Variants in SMAD4 observed in about 807,000 individuals in gnomAD.
SMAD4 encodes the protein SMAD family member 4.
A neutral mutation model predicts 63.2 loss-of-function variants in SMAD4; 7 were observed. The observed-to-expected ratio is 0.11, with a 90% CI of 0.06 to 0.21. The LOEUF is 0.21. Among genes scored for constraint, SMAD4 ranks in the 10% least tolerant of loss-of-function variants. SMAD4 has a pLI of 1.00. For synonymous variants in SMAD4, 215 were observed against 235.4 expected, an observed-to-expected ratio of 0.91 and a Z score of 0.79; for missense variants, 312 against 693.8, an observed-to-expected ratio of 0.45 and a Z score of 6.18.
chr18:51,058,793 T>A (rs1909921712), intron 7 of SMAD4, among the ~76,000 whole-genome samples: 1 of 152,204 alleles, frequency 6.6e-6, no homozygotes, highest in Admixed American at 6.5e-5. Flanking sequence ...TGAAACCCTT[T>A]GAGTGCTAAG....
intron 1 of SMAD4, among the ~76,000 whole-genome samples, chr18:51,031,070 C>G (rs1909035694): frequency 6.6e-6 from 1 of 152,198 alleles, no homozygotes; most frequent in African/African-American, 2.4e-5. Context: ...CTTTCTCTTC[C>G]TAGTCTTGTC....
rs1367093086 is a variant in SMAD4, at chr18:51,083,328, T to C, written c.*4861T>C. 1 of 228,238 alleles carries C rather than the reference T, an allele frequency of 4.4e-6. No individual in the cohort carries two copies. Among genetic ancestry groups the C allele is most frequent in the East Asian group, 6.3e-5 (1 of 15,968 alleles). 14.1% of individuals were successfully genotyped at this position (228,238 alleles called of 1,614,324 possible). A position where few individuals can be genotyped will look rare whatever the true frequency, so the allele number is the denominator to read the frequency against. Reference sequence around the variant, plus strand: ...TACTCCTGTACAGATATTTTTGACCTATAGGTGCCTTTATGAGAATTGAGG... The same window carrying C: ...TACTCCTGTACAGATATTTTTGACCCATAGGTGCCTTTATGAGAATTGAGG... On this transcript the variant is annotated 3_prime_UTR_variant, in exon 12 of 12. Coordinates refer to ENST00000342988, the MANE Select transcript of SMAD4 (RefSeq NM_005359.6).
At chr18:51,046,556 A>G (rs1229263711) in intron 1 of SMAD4, among the ~76,000 whole-genome samples, 1 of 151,896 alleles carries the variant, frequency 6.6e-6, no homozygotes, top group African/African-American at 2.4e-5. Context: ...TTTAGGTTTA[A>G]CTAGTGCTGA....
rs1057524809 is a variant in SMAD4 at position 51,047,201 on chromosome 18, A to T, written c.155A>T (p.Asp52Val). The change falls in exon 2 of 12, where the codon GAT becomes GTT. Residue 52 changes from aspartate (D) to valine (V), a missense_variant. Asp to Val is a radical substitution (Grantham distance 152). Coordinates refer to ENST00000342988, the MANE Select transcript of SMAD4 (RefSeq NM_005359.6). ...GTAAAGAAGCTGAAGGAGAAAAAAG[A>T]TGAATTGGATTCTTTAATAACAGCT... Reference protein sequence around the residue: ...SLVKKLKEKKDELDSLITAIT... With the variant: ...SLVKKLKEKKVELDSLITAIT... 6.2e-6 allele frequency: 10 copies of T among 1,614,048 alleles called. No individual in the cohort carries two copies. The highest frequency in any genetic ancestry group is 8.5e-6 in the Non-Finnish European group (10 of 1,179,902).
intron 10 of SMAD4, among the ~76,000 whole-genome samples, chr18:51,068,725 C>T (rs770900854): frequency 1.3e-4 from 20 of 148,880 alleles, no homozygotes; most frequent in African/African-American, 3.5e-4. Context: ...TCAAGACCAA[C>T]GTAAGCCACA....
At chr18:51,045,283 A>T (rs1909509981) in intron 1 of SMAD4, among the ~76,000 whole-genome samples, 1 of 152,244 alleles carries the variant, frequency 6.6e-6, no homozygotes, top group South Asian at 2.1e-4. Context: ...TGGTAGAATG[A>T]TGAGTTTTAT....
intron 7 of SMAD4, among the ~76,000 whole-genome samples, chr18:51,058,834 G>A (rs1909923671): frequency 1.3e-5 from 2 of 152,130 alleles, no homozygotes; most frequent in Non-Finnish European, 2.9e-5. Flanking sequence ...GTAGTATTCA[G>A]TGTACTTTGG....
chr18:51,069,226 C>T lies in SMAD4; in HGVS notation c.1308+2039C>T, dbSNP rs563014400. Among the ~76,000 whole-genome samples the T allele has an allele frequency of 2.6e-5, 4 of 152,304 alleles. No homozygotes were observed. The East Asian group carries it at 7.7e-4, about 29-fold the overall frequency. On this transcript the variant is annotated intron_variant, in intron 10 of 11. Transcript: ENST00000342988. Reference sequence around the variant, plus strand: ...CTGCTTCCAGGGTTTAAGTGATTCTCATGCCTTAGCCTCTCCGGTAGCTGG... The same window carrying T: ...CTGCTTCCAGGGTTTAAGTGATTCTTATGCCTTAGCCTCTCCGGTAGCTGG...
intron 10 of SMAD4, among the ~76,000 whole-genome samples, chr18:51,073,386 TATACACACAC>T (rs1442186789): frequency 4.1e-3 from 334 of 81,992 alleles, no homozygotes; most frequent in Non-Finnish European, 5.8e-3. Context: ...TATATATATA[TATACACACAC>T]ACACACACAC....
At chr18:51,049,174 T>C (rs889998722) in intron 3 of SMAD4, 121 bp from the exon 4 acceptor site, 10 of 768,760 alleles carry the variant, frequency 1.3e-5, no homozygotes, top group African/African-American at 1.2e-4. Flanking sequence ...TACTTCTGAA[T>C]TGAAATGGTT....
chr18:51,039,372 A>G (rs957995781), intron 1 of SMAD4, among the ~76,000 whole-genome samples: 1 of 152,186 alleles, frequency 6.6e-6, no homozygotes, highest in Non-Finnish European at 1.5e-5. Context: ...TGCTATATCC[A>G]GGGTTTCAAG....
At chr18:51,057,185 C>G (rs1032372782) in intron 5 of SMAD4, among the ~76,000 whole-genome samples, 3 of 152,112 alleles carry the variant, frequency 2.0e-5, no homozygotes, top group South Asian at 2.1e-4. Flanking sequence ...ACATGTTACT[C>G]TCTTCCATCT....
Position 51,065,538 on chromosome 18 carries a change from T to C in SMAD4, c.1071T>C (p.Ser357=). 1 of 1,614,222 alleles carries C rather than the reference T, an allele frequency of 6.2e-7. No homozygotes were observed. ...CTGTTGATGGATACGTGGACCCTTC[T>C]GGAGGAGATCGCTTTTGTTTGGGTC... The part of the protein sequence containing the change: ...IVTVDGYVDP[S]GGDRFCLGQL... Residue 357 remains serine (S), a synonymous_variant, in exon 9 of 12, where the codon TCT becomes TCC. Coordinates refer to ENST00000342988, the MANE Select transcript of SMAD4 (RefSeq NM_005359.6).
At chr18:51,039,564 T>G (rs1280866777) in intron 1 of SMAD4, among the ~76,000 whole-genome samples, 1 of 142,612 alleles carries the variant, frequency 7.0e-6, no homozygotes, top group African/African-American at 2.6e-5. Context: ...TTGCGTTCTT[T>G]TTCATCAGAA....
At chr18:51,041,333 C>T (rs1190961323) in intron 1 of SMAD4, among the ~76,000 whole-genome samples, 1 of 152,120 alleles carries the variant, frequency 6.6e-6, no homozygotes, top group East Asian at 1.9e-4. Context: ...ACTATTCTAC[C>T]AATATTCTGA....
At chr18:51,047,472 C>G (rs1909578097) in intron 2 of SMAD4, among the ~76,000 whole-genome samples, 177 bp downstream of exon 2, 1 of 152,080 alleles carries the variant, frequency 6.6e-6, no homozygotes, top group African/African-American at 2.4e-5. Flanking sequence ...AAGATAAAAT[C>G]TTAAAGTTTT....
chr18:51,079,959 G>T lies in SMAD4; in HGVS notation c.*1492G>T. On this transcript the variant is annotated 3_prime_UTR_variant, in exon 12 of 12. Transcript: ENST00000342988. ...CCATGGACATTGTGTATCATGTGTA[G>T]AGTTGGTTTTTTTTTTTTTTAATTT... 4.3e-6 allele frequency: 1 copy of T among 230,474 alleles called. No homozygotes were observed. Among genetic ancestry groups the T allele is most frequent in the African/African-American group, 2.2e-5 (1 of 44,910 alleles). 14.3% of individuals were successfully genotyped at this position (230,474 alleles called of 1,614,324 possible). A position where few individuals can be genotyped will look rare whatever the true frequency, so the allele number is the denominator to read the frequency against.
chr18:51,059,934 T>C lies in SMAD4; in HGVS notation c.955+18T>C, dbSNP rs577685240. 2.1e-5 allele frequency: 34 copies of C among 1,596,350 alleles called. No homozygotes were observed. The South Asian group carries it at 3.3e-4, about 16-fold the overall frequency. ...TCATCCTGGTAAGTGTATTTCAAAATTGATTTCCTGTATTTAGATTGATTT... is the reference window on the plus strand; with the variant it reads ...TCATCCTGGTAAGTGTATTTCAAAACTGATTTCCTGTATTTAGATTGATTT... On this transcript the variant is annotated intron_variant, in intron 8 of 11. Coordinates refer to ENST00000342988, the MANE Select transcript of SMAD4 (RefSeq NM_005359.6).
chr18:51,056,669 G>GTATAT (rs1042105443), intron 5 of SMAD4, among the ~76,000 whole-genome samples: 5 of 140,082 alleles, frequency 3.6e-5, no homozygotes, highest in African/African-American at 1.0e-4. Context: ...GTCTCAAAAA[G>GTATAT]TATATTGATG....
Sources: gnomAD v4.1 joint callset for allele counts (sites outside exome capture counted in the v4.1 genomes callset) on GRCh38, gnomAD v4.1.1 for gene constraint, MANE v1.5 for transcripts, NCBI Gene and HGNC (gene_info 2026-07-23, HGNC 2026-07-21) for gene names.